GRIK3: variants seen among roughly 807,000 people sequenced by gnomAD.
GRIK3 encodes glutamate ionotropic receptor kainate type subunit 3.
Under a neutral mutation model 102.5 loss-of-function variants are expected in GRIK3, and 29 were observed. The observed-to-expected ratio is 0.28, with a 90% CI of 0.21 to 0.39. The LOEUF (loss-of-function observed/expected upper bound fraction) is 0.39, where lower values mean the gene tolerates loss of function less well. Ranked by LOEUF, GRIK3 falls within the 10% of genes least tolerant of loss-of-function variation. GRIK3 has a pLI of 1.00. For missense variants in GRIK3, 908 were observed against 1,252.4 expected, an observed-to-expected ratio of 0.73 and a Z score of 4.15; for synonymous variants, 511 against 504.9, an observed-to-expected ratio of 1.01 and a Z score of -0.16.
At chr1:36,956,089 C>T (rs3767092) in intron 1 of GRIK3, among the ~76,000 whole-genome samples, 28,396 of 152,178 alleles carry the variant, frequency 0.19, 3,255 homozygotes, top group East Asian at 0.42. Flanking sequence ...AGTCCTGAGC[C>T]GTGGGGTGCT....
chr1:36,999,945 C>T (rs1393089692), intron 1 of GRIK3, among the ~76,000 whole-genome samples: 5 of 151,772 alleles, frequency 3.3e-5, no homozygotes, highest in Non-Finnish European at 7.4e-5. Context: ...TGTAGTGAGC[C>T]GAGATCACAC....
rs938600491 is a variant in GRIK3, at chr1:36,872,805, C to T, written c.551-436G>A. 6.6e-6 allele frequency among the ~76,000 whole-genome samples: 1 copy of T among 152,198 alleles called. No individual in the cohort carries two copies. Among genetic ancestry groups the T allele is most frequent in the African/African-American group, 2.4e-5 (1 of 41,444 alleles). ...GTTCACCCCTCTTCTTCTGTACCCA[C>T]CCCCAACATTGTGAGACATGGGACA... On this transcript the variant is annotated intron_variant, in intron 3 of 15. Transcript: ENST00000373091. The surrounding 1 kb of genome is among the most constrained non-coding windows in gnomAD (Gnocchi z 5.9).
At chr1:37,012,599 C>T (rs573785573) in intron 1 of GRIK3, among the ~76,000 whole-genome samples, 9 of 152,224 alleles carry the variant, frequency 5.9e-5, no homozygotes, top group African/African-American at 1.9e-4. Flanking sequence ...TTTACCAGGC[C>T]CTGAGCTAAG....
At chr1:36,888,804 A>C (rs1262653064) in intron 2 of GRIK3, among the ~76,000 whole-genome samples, 2 of 152,048 alleles carry the variant, frequency 1.3e-5, no homozygotes, top group African/African-American at 4.8e-5. Context: ...CTCCTCCTCC[A>C]GGAAGCCTTC....
At chr1:36,963,339 G>C (rs1466388714) in intron 1 of GRIK3, among the ~76,000 whole-genome samples, 3 of 152,106 alleles carry the variant, frequency 2.0e-5, no homozygotes, top group Non-Finnish European at 4.4e-5. Context: ...AGCCTCCTGA[G>C]ACCAGGACAC....
chr1:36,867,999 T>C (rs995010586), intron 5 of GRIK3, among the ~76,000 whole-genome samples: 5 of 152,160 alleles, frequency 3.3e-5, no homozygotes, highest in Admixed American at 6.5e-5. Context: ...ACCACCCCAG[T>C]GACCCCAGTA....
intron 1 of GRIK3, among the ~76,000 whole-genome samples, chr1:36,953,608 G>C (rs1310523826): frequency 6.6e-6 from 1 of 152,070 alleles, no homozygotes; most frequent in East Asian, 1.9e-4. Flanking sequence ...TGCTTAGGTG[G>C]TGAATCTGCA....
At chr1:36,849,765 A>T (rs1251926866) in intron 9 of GRIK3, 1 of 152,864 alleles carries the variant, frequency 6.5e-6, no homozygotes, top group African/African-American at 2.4e-5. Context: ...TTGGTTTGAA[A>T]CAGGTCAGGA....
chr1:36,989,526 C>T (rs544997638), intron 1 of GRIK3, among the ~76,000 whole-genome samples: 111 of 152,320 alleles, frequency 7.3e-4, no homozygotes, highest in Admixed American at 6.5e-4. Context: ...GCGCTCCTCC[C>T]GGGGGCCTGG....
intron 1 of GRIK3, among the ~76,000 whole-genome samples, chr1:36,963,176 A>G (rs1256540345): frequency 6.6e-6 from 1 of 152,156 alleles, no homozygotes; most frequent in East Asian, 1.9e-4. Flanking sequence ...GCCTCTCCAC[A>G]GGAGCTAATC....
chr1:37,029,064 A>G (rs545043166), intron 1 of GRIK3, among the ~76,000 whole-genome samples: 89 of 151,944 alleles, frequency 5.9e-4, no homozygotes, highest in African/African-American at 2.1e-3. Flanking sequence ...CCCAGGCAGA[A>G]GACACTGCGG....
chr1:37,028,468 C>T (rs1351723418), intron 1 of GRIK3, among the ~76,000 whole-genome samples: 4 of 152,124 alleles, frequency 2.6e-5, no homozygotes, highest in Admixed American at 6.5e-5. Flanking sequence ...GAAAGACCAT[C>T]CACACCTGGG....
At chr1:36,907,558 G>T (rs1490926676) in intron 1 of GRIK3, among the ~76,000 whole-genome samples, 2 of 152,178 alleles carry the variant, frequency 1.3e-5, no homozygotes, top group Non-Finnish European at 2.9e-5. Context: ...AACAGAGTGA[G>T]TCAGGGCAGA....
chr1:36,998,882 C>T (rs1212634301), intron 1 of GRIK3, among the ~76,000 whole-genome samples: 1 of 152,136 alleles, frequency 6.6e-6, no homozygotes, highest in African/African-American at 2.4e-5. Flanking sequence ...GCTTCTGAGG[C>T]TCCTGCCACA....
At chr1:36,869,945 G>T in intron 4 of GRIK3, 144 bp from the exon 5 acceptor site, 1 of 668,438 alleles carries the variant, frequency 1.5e-6, no homozygotes. Context: ...GACCACCTCT[G>T]AACAGTGACA....
At chr1:36,928,888 G>A (rs576076963) in intron 1 of GRIK3, among the ~76,000 whole-genome samples, 197 of 152,302 alleles carry the variant, frequency 1.3e-3, no homozygotes, top group Non-Finnish European at 2.1e-3. Flanking sequence ...TTGGGGTACA[G>A]GTGTCAAGGA....
intron 10 of GRIK3, among the ~76,000 whole-genome samples, chr1:36,835,835 G>C (rs769123102): frequency 6.6e-6 from 1 of 151,998 alleles, no homozygotes; most frequent in African/African-American, 2.4e-5. Flanking sequence ...CCTTTCCCCA[G>C]GCTGGTCTCT....
intron 1 of GRIK3, among the ~76,000 whole-genome samples, chr1:36,902,117 G>T (rs1417282655): frequency 1.3e-5 from 2 of 152,184 alleles, no homozygotes; most frequent in East Asian, 3.8e-4. Flanking sequence ...AATGTTCATG[G>T]ATAAGAAAAG....
At chr1:36,861,420 G>A (rs1419467392) in intron 5 of GRIK3, among the ~76,000 whole-genome samples, 1 of 152,056 alleles carries the variant, frequency 6.6e-6, no homozygotes, top group Non-Finnish European at 1.5e-5. Context: ...TTCTCCCCTG[G>A]GCCCCCCACT....
Sources: allele counts gnomAD v4.1 joint callset (sites outside exome capture counted in the v4.1 genomes callset), GRCh38; gene constraint gnomAD v4.1.1; non-coding constraint Gnocchi (gnomAD v3.1); transcripts MANE v1.5; gene names NCBI Gene and HGNC (gene_info 2026-07-23, HGNC 2026-07-21).